HIVEP3: variants seen among roughly 807,000 people sequenced by gnomAD.
HIVEP3 encodes the protein transcription factor HIVEP3.
HIVEP3 carries 49 observed loss-of-function variants against 152.8 expected under a neutral mutation model. The observed-to-expected ratio is 0.32, with a 90% CI of 0.26 to 0.41. HIVEP3 has a LOEUF of 0.41. Among genes scored for constraint, HIVEP3 ranks in the 10% least tolerant of loss-of-function variants. The pLI is 1.00. For synonymous variants in HIVEP3, 1,269 were observed against 1,289.0 expected (o/e 0.98, Z 0.33); for missense variants, 2,790 against 3,103.3 (o/e 0.90, Z 2.40).
chr1:41,655,699 A>T (rs4660552), intron 2 of HIVEP3, among the ~76,000 whole-genome samples: 4 of 151,774 alleles, frequency 2.6e-5, no homozygotes, highest in Admixed American at 1.3e-4. Flanking sequence ...ATGGCACTGA[A>T]CCCATCTGAC....
intron 2 of HIVEP3, among the ~76,000 whole-genome samples, chr1:41,670,857 A>G (rs1645864775): frequency 6.6e-6 from 1 of 152,222 alleles, no homozygotes; most frequent in African/African-American, 2.4e-5. Flanking sequence ...CTGGCAGGCC[A>G]CCGTGAGAGC....
intron 1 of HIVEP3, chr1:41,865,756 T>C (rs1643958208): frequency 6.6e-6 from 1 of 152,210 alleles, no homozygotes; most frequent in African/African-American, 2.4e-5. Flanking sequence ...TTTAAAAGTC[T>C]TAAAAGTTAA....
intron 1 of HIVEP3, among the ~76,000 whole-genome samples, chr1:41,955,325 G>T (rs1473425186): frequency 6.6e-6 from 1 of 152,200 alleles, no homozygotes; most frequent in African/African-American, 2.4e-5. Context: ...GTCTCTGTGG[G>T]TTATGAATTG....
intron 3 of HIVEP3, among the ~76,000 whole-genome samples, chr1:41,610,702 C>T (rs1002628285): frequency 6.6e-6 from 1 of 152,188 alleles, no homozygotes; most frequent in Admixed American, 6.5e-5. Context: ...ACCCAGGGAG[C>T]CCGGTTTAAT....
At position 41,580,223 on chromosome 1, in the gene HIVEP3, G is replaced by A. The variant is rs564183349; in HGVS notation, c.4575C>T (p.Ala1525=). 1.2e-5 allele frequency: 20 copies of A among 1,612,752 alleles called. No individual in the cohort carries two copies. The highest frequency in any genetic ancestry group is 1.7e-5 in the Admixed American group (1 of 59,926). The change falls in exon 4 of 9, where the codon GCC becomes GCT. Residue 1525 remains alanine (A), a synonymous_variant. Coordinates refer to ENST00000372583, the MANE Select transcript of HIVEP3 (RefSeq NM_024503.5). ...ATTCCTTCAAAGCTTCTGAGCCTGG[G>A]GCTGTCCCATGGGACAATGCAGGGT... ...LPHPALSHGT[A]PGSEALKEYP... is the part of the protein sequence containing the mutation.
chr1:41,876,814 A>G (rs1644177835), intron 1 of HIVEP3, among the ~76,000 whole-genome samples: 1 of 152,230 alleles, frequency 6.6e-6, no homozygotes, highest in South Asian at 2.1e-4. Flanking sequence ...AAATGTTTCT[A>G]CAATATGTTA....
Position 42,027,326 on chromosome 1 carries a change from T to C in HIVEP3, n.119+8481A>G, listed in dbSNP as rs191795123. ...CCACAACTGTATTTTATCAGGACTA[T>C]TGCATAGCCTCATAATTAGTTTTCC... On this transcript the variant is annotated intron_variant and non_coding_transcript_variant, in intron 1 of 3. Coordinates refer to the HIVEP3 transcript ENST00000489103. 4.1e-4 allele frequency among the ~76,000 whole-genome samples: 62 copies of C among 152,344 alleles called. No homozygotes were observed. The East Asian group carries it at 9.1e-3, about 22-fold the overall frequency.
intron 1 of HIVEP3, among the ~76,000 whole-genome samples, chr1:42,010,933 A>C (rs569119905): frequency 6.6e-6 from 1 of 152,242 alleles, no homozygotes; most frequent in East Asian, 1.9e-4. Flanking sequence ...CATATGTGCT[A>C]ATTCCTAGCT....
intron 5 of HIVEP3, among the ~76,000 whole-genome samples, chr1:41,556,749 G>A (rs997707221): frequency 1.6e-4 from 24 of 152,122 alleles, no homozygotes; most frequent in African/African-American, 5.8e-4. Flanking sequence ...TTTCTCCTAA[G>A]AGTTTTATTA....
intron 1 of HIVEP3, among the ~76,000 whole-genome samples, chr1:42,010,480 CAG>C (rs1315300441): frequency 6.6e-6 from 1 of 152,148 alleles, no homozygotes; most frequent in African/African-American, 2.4e-5. Context: ...CCTTTGTGTG[CAG>C]AGATTCTTCT....
chr1:41,877,150 G>T (rs1226827108), intron 1 of HIVEP3, among the ~76,000 whole-genome samples: 1 of 152,096 alleles, frequency 6.6e-6, no homozygotes, highest in Admixed American at 6.6e-5. Flanking sequence ...AAGACTCCAG[G>T]CAGAATTCTC....
intron 5 of HIVEP3, among the ~76,000 whole-genome samples, chr1:41,572,363 C>G (rs888293284): frequency 5.9e-5 from 9 of 152,216 alleles, no homozygotes; most frequent in Non-Finnish European, 1.3e-4. Context: ...GCTGCCATCA[C>G]ACCTGTAGCA....
At chr1:41,648,049 C>T (rs1318471641) in intron 2 of HIVEP3, among the ~76,000 whole-genome samples, 1 of 152,232 alleles carries the variant, frequency 6.6e-6, no homozygotes, top group Non-Finnish European at 1.5e-5. Flanking sequence ...TCAAACCCTA[C>T]CTTCTCCAAA....
In HIVEP3 at chr1:41,584,617, C is replaced by A; in HGVS notation, c.181G>T (p.Gly61Cys). 6.2e-7 allele frequency: 1 copy of A among 1,610,120 alleles called. No homozygotes were observed. Among genetic ancestry groups the A allele is most frequent in the Non-Finnish European group, 8.5e-7 (1 of 1,177,470 alleles). ...QELLAPQPFP[G>C]PSSVLREGSQ... The stretch of plus-strand genomic sequence containing the variant: ...CCTTCCCTAAGAACTGATGAGGGGC[C>A]CGGGAAGGGCTGCGGGGCTAAGAGC... The change falls in exon 4 of 9, where the codon GGC (glycine) becomes TGC (cysteine). Residue 61 changes from glycine to cysteine, a missense_variant. Transcript: ENST00000372583. This position sits in a 1 kb window ranked among gnomAD's most constrained non-coding sequence, Gnocchi z 5.2.
intron 1 of HIVEP3, among the ~76,000 whole-genome samples, chr1:41,710,897 C>G (rs1190903190): frequency 6.6e-6 from 1 of 152,254 alleles, no homozygotes; most frequent in Non-Finnish European, 1.5e-5. Context: ...TCCACTGACT[C>G]CCCAAAGAGG....
intron 5 of HIVEP3, chr1:41,543,132 C>T (rs1643573254): frequency 6.6e-6 from 1 of 152,284 alleles, no homozygotes; most frequent in South Asian, 2.1e-4. Context: ...AATGTCTGAC[C>T]ACTCAAAGTG....
At position 41,511,296 on chromosome 1, in the gene HIVEP3, T is replaced by A; in HGVS notation, c.6406-30A>T. 6.5e-7 allele frequency: 1 copy of A among 1,543,688 alleles called. No homozygotes were observed. The highest frequency in any genetic ancestry group is 1.2e-5 in the South Asian group (1 of 81,000). The stretch of plus-strand genomic sequence containing the variant: ...GGTCAGAAAACAAGACAAGGTAAGG[T>A]GAAGGTTACATGCTGGGCACATGGG... On this transcript the variant is annotated intron_variant, in intron 8 of 8. Coordinates refer to ENST00000372583, the MANE Select transcript of HIVEP3 (RefSeq NM_024503.5). The surrounding 1 kb of genome is among the most constrained non-coding windows in gnomAD (Gnocchi z 4.9).
At chr1:41,544,766 CACT>C (rs1345981418) in intron 5 of HIVEP3, among the ~76,000 whole-genome samples, 2 of 148,504 alleles carry the variant, frequency 1.3e-5, no homozygotes, top group East Asian at 2.0e-4. Flanking sequence ...CCATCACCAC[CACT>C]ACCACTACCT....
chr1:41,663,394 C>T (rs1449739813), intron 2 of HIVEP3, among the ~76,000 whole-genome samples: 1 of 152,236 alleles, frequency 6.6e-6, no homozygotes, highest in East Asian at 1.9e-4. Context: ...ACCAAGCACT[C>T]CCTTTCAGGG....
Sources: allele counts gnomAD v4.1 joint callset (sites outside exome capture counted in the v4.1 genomes callset), GRCh38; gene constraint gnomAD v4.1.1; non-coding constraint Gnocchi (gnomAD v3.1); transcripts MANE v1.5; gene names NCBI Gene and HGNC (gene_info 2026-07-23, HGNC 2026-07-21).